The following IL1RAPL1 variants were observed in gnomAD, a reference collection of about 807,000 sequenced individuals.
IL1RAPL1 encodes the protein interleukin 1 receptor accessory protein like 1, also known as interleukin-1 receptor accessory protein-like 1.
A neutral mutation model predicts 48.4 loss-of-function variants in IL1RAPL1; 3 were observed. The observed-to-expected ratio is 0.06, with a 90% CI of 0.03 to 0.16. The LOEUF (loss-of-function observed/expected upper bound fraction) is 0.16, where lower values mean the gene tolerates loss of function less well. IL1RAPL1 is among the 10% of genes least tolerant of loss of function. The probability of loss-of-function intolerance (pLI) is 1.00; values close to 1 mark genes in which losing one functional copy is unlikely to be tolerated. For missense variants in IL1RAPL1, 349 were observed against 530.6 expected (o/e 0.66, Z 3.36); for synonymous variants, 185 against 187.7 (o/e 0.99, Z 0.12).
chrX:29,758,930 G>C (rs1465695219), intron 6 of IL1RAPL1, among the ~76,000 whole-genome samples: 1 of 111,463 alleles, frequency 9.0e-6, no homozygotes. Context: ...AACAGCCTGA[G>C]AATTACCTGC....
At chrX:28,728,958 T>C (rs761202371) in intron 1 of IL1RAPL1, among the ~76,000 whole-genome samples, 2 of 111,856 alleles carry the variant, frequency 1.8e-5, no homozygotes, top group Admixed American at 1.9e-4. Flanking sequence ...TTTTTCAAGT[T>C]GTATTTCTTT....
chrX:29,650,484 A>T (rs1168022962), intron 5 of IL1RAPL1, among the ~76,000 whole-genome samples: 7 of 104,391 alleles, frequency 6.7e-5, no homozygotes, highest in Admixed American at 4.1e-4. Flanking sequence ...CAGCTAACTC[A>T]TTTTTTTTTT....
intron 2 of IL1RAPL1, among the ~76,000 whole-genome samples, chrX:28,954,518 T>G (rs972617909): frequency 9.0e-6 from 1 of 110,679 alleles, no homozygotes; most frequent in African/African-American, 3.3e-5. Context: ...TCATTGTCAC[T>G]TCCCCACAAA....
chrX:29,570,867 G>A (rs1452423511), intron 5 of IL1RAPL1, among the ~76,000 whole-genome samples: 2 of 112,421 alleles, frequency 1.8e-5, no homozygotes, highest in Non-Finnish European at 3.8e-5. Flanking sequence ...GAAAGCAGAA[G>A]AAAATATATG....
At chrX:29,182,577 T>TG (rs1175525995) in intron 2 of IL1RAPL1, among the ~76,000 whole-genome samples, 1 of 108,014 alleles carries the variant, frequency 9.3e-6, no homozygotes, top group East Asian at 2.9e-4. Flanking sequence ...TGTACTTAGT[T>TG]TTTTTTTTTT....
At chrX:29,108,935 C>A (rs944845059) in intron 2 of IL1RAPL1, among the ~76,000 whole-genome samples, 7 of 110,878 alleles carry the variant, frequency 6.3e-5, no homozygotes, top group African/African-American at 2.3e-4. Context: ...AAATAATAGA[C>A]CAGTTTTCCA....
At chrX:29,329,030 CCAAT>C (rs1392505112) in intron 3 of IL1RAPL1, among the ~76,000 whole-genome samples, 1 of 111,150 alleles carries the variant, frequency 9.0e-6, no homozygotes, top group East Asian at 2.8e-4. Context: ...CAGAAATTTC[CCAAT>C]CACTTAATCT....
intron 5 of IL1RAPL1, among the ~76,000 whole-genome samples, chrX:29,511,738 T>C (rs1460926186): frequency 2.7e-5 from 3 of 111,503 alleles, no homozygotes; most frequent in Non-Finnish European, 5.7e-5. Context: ...TACTGACAAA[T>C]TGTATAATAA....
chrX:28,742,334 T>C (rs754586351), intron 1 of IL1RAPL1, among the ~76,000 whole-genome samples: 1 of 111,431 alleles, frequency 9.0e-6, no homozygotes, highest in South Asian at 3.8e-4. Flanking sequence ...TCTTGGCAAA[T>C]AAGGAGACAA....
At chrX:29,614,914 C>G (rs959260465) in intron 5 of IL1RAPL1, among the ~76,000 whole-genome samples, 1 of 108,555 alleles carries the variant, frequency 9.2e-6, no homozygotes, top group Non-Finnish European at 1.9e-5. Flanking sequence ...GAGCGGAGAT[C>G]GCGACACTGC....
chrX:29,512,623 T>G (rs1935405211), intron 5 of IL1RAPL1, among the ~76,000 whole-genome samples: 1 of 111,984 alleles, frequency 8.9e-6, no homozygotes, highest in Admixed American at 9.5e-5. Context: ...TCACAGACAA[T>G]TATACAAGCT....
chrX:29,069,039 C>T (rs1442906521), intron 2 of IL1RAPL1, among the ~76,000 whole-genome samples: 2 of 112,137 alleles, frequency 1.8e-5, no homozygotes, highest in Non-Finnish European at 3.8e-5. Flanking sequence ...CCAGCGAATA[C>T]AGTTAGTCTT....
intron 1 of IL1RAPL1, among the ~76,000 whole-genome samples, chrX:28,774,940 A>G (rs1482706662): frequency 9.0e-6 from 1 of 111,645 alleles, no homozygotes; most frequent in African/African-American, 3.3e-5. Context: ...TACCCGATGT[A>G]TTAGTAACTC....
intron 2 of IL1RAPL1, among the ~76,000 whole-genome samples, chrX:28,826,975 G>A (rs1937000111): frequency 9.0e-6 from 1 of 111,383 alleles, no homozygotes; most frequent in African/African-American, 3.3e-5. Flanking sequence ...TAAATATGCT[G>A]TAAAGATCAT....
At chrX:28,641,257 C>T (rs1455339126) in intron 1 of IL1RAPL1, among the ~76,000 whole-genome samples, 1 of 109,569 alleles carries the variant, frequency 9.1e-6, no homozygotes, top group Non-Finnish European at 1.9e-5. Flanking sequence ...ACGTTCCCCT[C>T]CCTGTGTTCA....
intron 2 of IL1RAPL1, among the ~76,000 whole-genome samples, chrX:28,794,937 C>T (rs1473715992): frequency 8.9e-6 from 1 of 111,810 alleles, no homozygotes; most frequent in Non-Finnish European, 1.9e-5. Context: ...TTATGTGCAG[C>T]TGCTCTCTTG....
At chrX:29,884,615 T>C (rs1042873121) in intron 6 of IL1RAPL1, among the ~76,000 whole-genome samples, 2 of 111,380 alleles carry the variant, frequency 1.8e-5, no homozygotes, top group African/African-American at 6.5e-5. Flanking sequence ...CTCCTTAATG[T>C]ATATACTCTG....
chrX:28,780,225 G>A (rs1936406148), intron 1 of IL1RAPL1, among the ~76,000 whole-genome samples: 1 of 109,996 alleles, frequency 9.1e-6, no homozygotes, highest in African/African-American at 3.3e-5. Flanking sequence ...TCTCTTGCTT[G>A]TTTCAGATTC....
chrX:29,903,658 C>A (rs1932546930), intron 6 of IL1RAPL1, among the ~76,000 whole-genome samples: 1 of 111,908 alleles, frequency 8.9e-6, no homozygotes, highest in Non-Finnish European at 1.9e-5. Context: ...TGATTGGAAT[C>A]TACTGGTTGA....
Sources: allele counts gnomAD v4.1 joint callset (sites outside exome capture counted in the v4.1 genomes callset), GRCh38; gene constraint gnomAD v4.1.1; transcripts MANE v1.5; gene names NCBI Gene and HGNC (gene_info 2026-07-23, HGNC 2026-07-21).